Variants in GALNT13 observed in about 807,000 individuals in gnomAD.
GALNT13 encodes polypeptide N-acetylgalactosaminyltransferase 13.
GALNT13 carries 28 observed loss-of-function variants against 64.2 expected under a neutral mutation model. That is an observed-to-expected ratio of 0.44 (90% CI 0.32 to 0.60). GALNT13 has a LOEUF of 0.60. Ranked by LOEUF, GALNT13 falls within the 20% of genes least tolerant of loss-of-function variation. GALNT13 has a pLI of 0.05. For missense variants in GALNT13, 577 were observed against 669.8 expected (o/e 0.86, Z 1.53); for synonymous variants, 214 against 224.6 (o/e 0.95, Z 0.42).
chr2:153,452,945 A>G, the GALNT13 span, among the ~76,000 whole-genome samples: 5 of 152,184 alleles, frequency 3.3e-5, no homozygotes, highest in Admixed American at 1.3e-4. Context: ...AATGGCACAG[A>G]ATAGAGAACC....
At chr2:153,254,874 G>T in the GALNT13 span, among the ~76,000 whole-genome samples, 1 of 152,124 alleles carries the variant, frequency 6.6e-6, no homozygotes, top group Non-Finnish European at 1.5e-5. Context: ...TTGCTGAGGA[G>T]AGCTTTACTT....
intron 8 of GALNT13, among the ~76,000 whole-genome samples, chr2:154,269,925 T>TATTTATATATATGTGTA (rs1421612508): frequency 4.3e-5 from 6 of 139,236 alleles, no homozygotes; most frequent in East Asian, 2.2e-4. Context: ...TATATATATA[T>TATTTATATATATGTGTA]TTCTAAAGCA....
intron 3 of GALNT13, among the ~76,000 whole-genome samples, chr2:153,963,274 C>T (rs1693067234): frequency 6.6e-6 from 1 of 152,200 alleles, no homozygotes; most frequent in African/African-American, 2.4e-5. Flanking sequence ...TACTGGGAAA[C>T]ATTTAGACCA....
intron 1 of GALNT13, among the ~76,000 whole-genome samples, chr2:153,873,574 C>T (rs755556066): frequency 6.6e-6 from 1 of 152,178 alleles, no homozygotes; most frequent in Non-Finnish European, 1.5e-5. Flanking sequence ...GTGTTGCTAG[C>T]AGAGGAGAGG....
At chr2:153,848,985 C>A in the GALNT13 span, among the ~76,000 whole-genome samples, 3 of 150,830 alleles carry the variant, frequency 2.0e-5, no homozygotes, top group Non-Finnish European at 1.5e-5. Flanking sequence ...AAGGACTTTA[C>A]AAAAAAAAGA....
chr2:153,069,188 C>G, the GALNT13 span, among the ~76,000 whole-genome samples: 2 of 152,176 alleles, frequency 1.3e-5, no homozygotes, highest in Non-Finnish European at 2.9e-5. Flanking sequence ...ATCTTGGAAG[C>G]CTAGAGCTTC....
chr2:154,154,676 G>GA (rs1466271879), intron 4 of GALNT13, among the ~76,000 whole-genome samples: 1 of 151,850 alleles, frequency 6.6e-6, no homozygotes, highest in Non-Finnish European at 1.5e-5. Flanking sequence ...GAAGAGAAAG[G>GA]AAAAACACCA....
intron 9 of GALNT13, among the ~76,000 whole-genome samples, chr2:154,363,883 C>T (rs1338949894): frequency 1.3e-5 from 2 of 152,162 alleles, no homozygotes; most frequent in Non-Finnish European, 2.9e-5. Context: ...TAGGCATAGA[C>T]GTCTCAATCC....
chr2:153,453,693 T>C, the GALNT13 span, among the ~76,000 whole-genome samples: 1 of 152,338 alleles, frequency 6.6e-6, no homozygotes, highest in African/African-American at 2.4e-5. Context: ...TCAGCCACTG[T>C]GGAAAGCAGT....
intron 9 of GALNT13, among the ~76,000 whole-genome samples, chr2:154,351,060 A>G (rs972050422): frequency 2.6e-5 from 4 of 152,156 alleles, no homozygotes; most frequent in African/African-American, 9.7e-5. Flanking sequence ...CTGCAAAGAC[A>G]GGAAACTTAG....
At chr2:153,855,962 C>A in the GALNT13 span, among the ~76,000 whole-genome samples, 3 of 152,088 alleles carry the variant, frequency 2.0e-5, no homozygotes, top group Admixed American at 6.6e-5. Context: ...TTAAAGAAAT[C>A]TCACAAATGA....
chr2:154,403,775 T>C (rs1212720586), intron 10 of GALNT13, among the ~76,000 whole-genome samples: 1 of 152,170 alleles, frequency 6.6e-6, no homozygotes, highest in Non-Finnish European at 1.5e-5. Context: ...TCTGGTTAGC[T>C]CTGTTTAAGC....
chr2:153,302,882 A>G, the GALNT13 span, among the ~76,000 whole-genome samples: 1 of 152,050 alleles, frequency 6.6e-6, no homozygotes, highest in African/African-American at 2.4e-5. Flanking sequence ...TGGGCTCTCT[A>G]TTCTGTTCCA....
intron 10 of GALNT13, among the ~76,000 whole-genome samples, chr2:154,404,120 G>GA (rs1208826325): frequency 1.3e-5 from 2 of 152,070 alleles, no homozygotes; most frequent in Non-Finnish European, 2.9e-5. Context: ...AGCCAGACTT[G>GA]ACTTCAGTTC....
At chr2:153,534,973 GA>G in the GALNT13 span, among the ~76,000 whole-genome samples, 4 of 152,004 alleles carry the variant, frequency 2.6e-5, no homozygotes, top group Admixed American at 2.6e-4. Context: ...ATATTAATGA[GA>G]AAAATAAAAT....
intron 8 of GALNT13, among the ~76,000 whole-genome samples, chr2:154,291,918 C>G (rs1692666857): frequency 6.6e-6 from 1 of 152,296 alleles, no homozygotes; most frequent in Admixed American, 6.5e-5. Context: ...CTTCTGATGC[C>G]CTCTCCCTGT....
At chr2:153,988,250 A>G (rs1694935936) in intron 3 of GALNT13, among the ~76,000 whole-genome samples, 1 of 151,866 alleles carries the variant, frequency 6.6e-6, no homozygotes, top group Admixed American at 6.6e-5. Flanking sequence ...ATCCTGCTGT[A>G]CAATAGATCT....
chr2:154,134,743 A>G (rs1682850438), intron 3 of GALNT13, among the ~76,000 whole-genome samples: 1 of 152,194 alleles, frequency 6.6e-6, no homozygotes, highest in South Asian at 2.1e-4. Flanking sequence ...TGTAATCCCG[A>G]CAGTCTGGGA....
chr2:153,612,352 G>T, the GALNT13 span, among the ~76,000 whole-genome samples: 1 of 152,052 alleles, frequency 6.6e-6, no homozygotes, highest in Non-Finnish European at 1.5e-5. Flanking sequence ...ATAACCAAAG[G>T]ATATGTTGTA....
Sources: allele counts gnomAD v4.1 joint callset (sites outside exome capture counted in the v4.1 genomes callset), GRCh38; gene constraint gnomAD v4.1.1; transcripts MANE v1.5; gene names NCBI Gene and HGNC (gene_info 2026-07-23, HGNC 2026-07-21).